SH3GL3: variants seen among roughly 807,000 people sequenced by gnomAD.
The protein encoded by SH3GL3 is SH3 domain containing GRB2 like 3, endophilin A3.
SH3GL3 carries 33 observed loss-of-function variants against 47.7 expected under a neutral mutation model. The observed-to-expected ratio is 0.69, with a 90% CI of 0.52 to 0.92. The LOEUF (loss-of-function observed/expected upper bound fraction) is 0.92. Among genes scored for constraint, SH3GL3 ranks in the 40% least tolerant of loss-of-function variants. The pLI is 0.00. For synonymous variants in SH3GL3, 155 were observed against 148.8 expected (o/e 1.04, Z -0.30); for missense variants, 363 against 417.8 (o/e 0.87, Z 1.14).
chr15:83,462,081 C>T (rs1442830726), intron 1 of SH3GL3, among the ~76,000 whole-genome samples: 3 of 152,160 alleles, frequency 2.0e-5, no homozygotes, highest in African/African-American at 4.8e-5. Context: ...ACAATGGAAA[C>T]CATTCTTTTC....
chr15:83,523,612 G>A lies in SH3GL3; in HGVS notation c.46-35641G>A, dbSNP rs533776557. The stretch of plus-strand genomic sequence containing the variant: ...TTTGGCTCCCTGAGGCTGAGATTGG[G>A]GAGCTTTTCTGAAATCATGGAAATT... On this transcript the variant is annotated intron_variant, in intron 1 of 8. Transcript: ENST00000427482. Among the ~76,000 whole-genome samples the A allele has an allele frequency of 5.9e-5, 9 of 152,244 alleles. No individual in the cohort carries two copies. In the South Asian group the frequency reaches 1.7e-3, roughly 28 times the overall value.
chr15:83,490,717 A>G (rs1040914536), intron 1 of SH3GL3: 184 of 1,531,210 alleles, frequency 1.2e-4, no homozygotes, highest in Non-Finnish European at 1.5e-4. Context: ...CAAGGGCAAT[A>G]TCATCCTTTG....
At chr15:83,503,323 C>A (rs1367279876) in intron 1 of SH3GL3, among the ~76,000 whole-genome samples, 1 of 152,030 alleles carries the variant, frequency 6.6e-6, no homozygotes, top group Non-Finnish European at 1.5e-5. Flanking sequence ...TGGCTTCTAA[C>A]CTGCTTTTCT....
At chr15:83,558,527 G>A (rs551235178) in intron 1 of SH3GL3, among the ~76,000 whole-genome samples, 1 of 151,612 alleles carries the variant, frequency 6.6e-6, no homozygotes, top group Admixed American at 6.6e-5. Flanking sequence ...GTCCATGCTT[G>A]TAGTACTGGC....
intron 8 of SH3GL3, among the ~76,000 whole-genome samples, chr15:83,600,958 A>G (rs1252659671): frequency 6.6e-6 from 1 of 152,148 alleles, no homozygotes; most frequent in Non-Finnish European, 1.5e-5. Context: ...CTATTATAAA[A>G]GGGGTTGAGT....
At chr15:83,581,321 C>T (rs1038376016) in intron 6 of SH3GL3, among the ~76,000 whole-genome samples, 5 of 152,218 alleles carry the variant, frequency 3.3e-5, no homozygotes, top group African/African-American at 9.6e-5. Context: ...ATTCTCCCAA[C>T]TGAGAAACAA....
chr15:83,610,835 T>C lies in SH3GL3; in HGVS notation c.839-7247T>C, dbSNP rs538930776. ...TATTGTCCTGGCACATGGTAAACAC[T>C]AACACCTGAGAGTTATTATTTCGTC... On this transcript the variant is annotated intron_variant, in intron 8 of 8. Coordinates refer to ENST00000427482, the MANE Select transcript of SH3GL3 (RefSeq NM_003027.5). Among the ~76,000 whole-genome samples the C allele has an allele frequency of 3.3e-5, 5 of 152,256 alleles. No homozygotes were observed. The East Asian group carries it at 9.7e-4, about 29-fold the overall frequency.
chr15:83,554,693 G>A (rs1049355625), intron 1 of SH3GL3, among the ~76,000 whole-genome samples: 1 of 152,160 alleles, frequency 6.6e-6, no homozygotes, highest in East Asian at 1.9e-4. Context: ...GTGCCTAGCC[G>A]ATTTCTTCTT....
At chr15:83,474,863 C>T (rs1199818919) in intron 1 of SH3GL3, among the ~76,000 whole-genome samples, 14 of 152,038 alleles carry the variant, frequency 9.2e-5, no homozygotes, top group Admixed American at 9.2e-4. Context: ...ACAGATTTGA[C>T]GATGCTGGGT....
At chr15:83,480,195 C>T (rs1437897549) in intron 1 of SH3GL3, among the ~76,000 whole-genome samples, 1 of 152,082 alleles carries the variant, frequency 6.6e-6, no homozygotes, top group East Asian at 1.9e-4. Flanking sequence ...TAAAAAAATC[C>T]TCTTTAACTC....
Position 83,447,436 on chromosome 15 carries a change from C to A in SH3GL3, c.-98C>A. ...AGGCGGGCCCGGCGGAGCCCAGCCG[C>A]GGGGGGACCGGCCCGGGCTCCCGCT... On this transcript the variant is annotated 5_prime_UTR_variant, in exon 1 of 9. Coordinates refer to ENST00000427482, the MANE Select transcript of SH3GL3 (RefSeq NM_003027.5). This position sits in a 1 kb window ranked among gnomAD's most constrained non-coding sequence, Gnocchi z 5.1. 1 of 1,072,824 alleles carries A rather than the reference C, an allele frequency of 9.3e-7. No individual in the cohort carries two copies. The highest frequency in any genetic ancestry group is 1.2e-6 in the Non-Finnish European group (1 of 820,616). 66.5% of individuals were successfully genotyped at this position (1,072,824 alleles called of 1,614,324 possible).
At chr15:83,606,601 CA>C (rs2060523302) in intron 8 of SH3GL3, among the ~76,000 whole-genome samples, 1 of 152,124 alleles carries the variant, frequency 6.6e-6, no homozygotes, top group Non-Finnish European at 1.5e-5. Flanking sequence ...GCCTTCCCCC[CA>C]GATCCATTTC....
intron 1 of SH3GL3, among the ~76,000 whole-genome samples, chr15:83,471,610 A>T (rs1179751520): frequency 6.6e-6 from 1 of 152,124 alleles, no homozygotes; most frequent in East Asian, 1.9e-4. Context: ...TGGCCTATAA[A>T]AGTTCACTTC....
chr15:83,544,740 C>T (rs977832474), intron 1 of SH3GL3, among the ~76,000 whole-genome samples: 2 of 152,036 alleles, frequency 1.3e-5, no homozygotes, highest in African/African-American at 4.8e-5. Flanking sequence ...TTTCGTTTGT[C>T]TGGGAAAGTC....
intron 1 of SH3GL3, among the ~76,000 whole-genome samples, chr15:83,487,707 C>T (rs1394684672): frequency 1.3e-5 from 2 of 152,148 alleles, no homozygotes; most frequent in South Asian, 2.1e-4. Flanking sequence ...GACCCTGGCA[C>T]AATGCCTTCT....
intron 8 of SH3GL3, among the ~76,000 whole-genome samples, chr15:83,605,782 TC>T (rs1332238344): frequency 2.0e-5 from 3 of 151,980 alleles, no homozygotes; most frequent in Non-Finnish European, 4.4e-5. Context: ...GAGTGTGGGG[TC>T]ATGCTGTTTC....
At chr15:83,565,614 G>C (rs1461441191) in intron 3 of SH3GL3, 1 of 153,202 alleles carries the variant, frequency 6.5e-6, no homozygotes, top group Non-Finnish European at 1.5e-5. Context: ...TTCTCTTTGT[G>C]GCTTAAATGC....
At chr15:83,535,777 A>G (rs2043875698) in intron 1 of SH3GL3, among the ~76,000 whole-genome samples, 1 of 152,378 alleles carries the variant, frequency 6.6e-6, no homozygotes, top group East Asian at 1.9e-4. Context: ...GGTCACACTC[A>G]TAGAGGCCTC....
At chr15:83,588,968 T>C (rs962284848) in intron 8 of SH3GL3, among the ~76,000 whole-genome samples, 197 bp downstream of exon 8, 10 of 152,240 alleles carry the variant, frequency 6.6e-5, no homozygotes, top group Non-Finnish European at 1.3e-4. Flanking sequence ...ACTTATATAA[T>C]GTAGCATTTA....
Sources: gnomAD v4.1 joint callset for allele counts (sites outside exome capture counted in the v4.1 genomes callset) on GRCh38, gnomAD v4.1.1 for gene constraint, Gnocchi (gnomAD v3.1) non-coding constraint, MANE v1.5 for transcripts, NCBI Gene and HGNC (gene_info 2026-07-23, HGNC 2026-07-21) for gene names.